The following WNK2 variants were observed in gnomAD, a reference collection of about 807,000 sequenced individuals.
WNK2 encodes the protein serine/threonine-protein kinase WNK2.
Under a neutral mutation model 192.1 loss-of-function variants are expected in WNK2, and 67 were observed. The ratio of observed to expected loss-of-function variants is 0.35; its 90% confidence interval spans 0.29 to 0.43. The LOEUF (loss-of-function observed/expected upper bound fraction) is 0.43, where lower values mean the gene tolerates loss of function less well. WNK2 is among the 20% of genes least tolerant of loss of function. The pLI is 1.00. For missense variants in WNK2, 2,698 were observed against 3,089.7 expected (o/e 0.87, Z 3.01); for synonymous variants, 1,439 against 1,393.9 (o/e 1.03, Z -0.72).
At chr9:93,212,951 C>T (rs557473294) in intron 2 of WNK2, among the ~76,000 whole-genome samples, 4 of 152,236 alleles carry the variant, frequency 2.6e-5, no homozygotes, top group East Asian at 1.9e-4. Context: ...GAATGTGAAA[C>T]GTCATAGGTG....
chr9:93,213,623 C>T (rs1182947856), intron 2 of WNK2, among the ~76,000 whole-genome samples: 3 of 152,052 alleles, frequency 2.0e-5, no homozygotes, highest in Non-Finnish European at 2.9e-5. Context: ...AACCCTGTCT[C>T]GACTAAAAAT....
chr9:93,303,670 G>A lies in WNK2; in HGVS notation c.6215-3107G>A, dbSNP rs371167016. On this transcript the variant is annotated intron_variant, in intron 26 of 29. Coordinates refer to ENST00000427277, the MANE Select transcript of WNK2 (RefSeq NM_006648.4). ...CTGCAGCCAGGGTGGTCAGTGCTGCGTACCACTGTGGGCTGTCTGTGGAGC... is the reference window on the plus strand; with the variant it reads ...CTGCAGCCAGGGTGGTCAGTGCTGCATACCACTGTGGGCTGTCTGTGGAGC... 4.6e-5 allele frequency among the ~76,000 whole-genome samples: 7 copies of A among 152,298 alleles called. No individual in the cohort carries two copies. In the South Asian group the frequency reaches 8.3e-4, roughly 18 times the overall value.
At chr9:93,203,770 G>A (rs897501096) in intron 2 of WNK2, among the ~76,000 whole-genome samples, 2 of 152,182 alleles carry the variant, frequency 1.3e-5, no homozygotes, top group Non-Finnish European at 2.9e-5. Context: ...GACAGGGAAC[G>A]AGGCATCTCG....
intron 23 of WNK2, 52 bp from the exon 24 acceptor site, chr9:93,297,801 G>T: frequency 5.9e-6 from 9 of 1,526,236 alleles, no homozygotes; most frequent in Non-Finnish European, 7.9e-6. Flanking sequence ...AGCTGGCGGT[G>T]TTGGAAACAC....
At chr9:93,225,904 C>CTGTTG (rs1188845032) in intron 2 of WNK2, among the ~76,000 whole-genome samples, 3 of 111,088 alleles carry the variant, frequency 2.7e-5, no homozygotes, top group African/African-American at 7.5e-5. Context: ...GCATGTCTTT[C>CTGTTG]TGTTGTGTTA....
intron 2 of WNK2, among the ~76,000 whole-genome samples, chr9:93,227,829 G>A (rs1436086854): frequency 6.6e-6 from 1 of 152,120 alleles, no homozygotes; most frequent in Non-Finnish European, 1.5e-5. Flanking sequence ...AGTAGAACAT[G>A]TTTCCATTTT....
Position 93,260,099 on chromosome 9 carries a change from G to C in WNK2, c.3066+485G>C, listed in dbSNP as rs532110964. On this transcript the variant is annotated intron_variant, in intron 12 of 29. Coordinates refer to ENST00000427277, the MANE Select transcript of WNK2 (RefSeq NM_006648.4). ...GGCAGATGGCACTGCTGGCTGCAAG[G>C]GTGGTTATGGTGGGACCCGGGGCCA... Among the ~76,000 whole-genome samples the C allele has an allele frequency of 1.1e-3, 163 of 152,336 alleles. 2 individuals carry two copies. The highest frequency in any genetic ancestry group is 3.5e-3 in the South Asian group (17 of 4,826).
chr9:93,256,406 C>G lies in WNK2; in HGVS notation c.2142C>G (p.Ser714Arg). The G allele has an allele frequency of 6.5e-7, 1 of 1,546,350 alleles. No individual in the cohort carries two copies. Residue 714 changes from serine (S) to arginine (R), a missense_variant, in exon 10 of 30, where the codon AGC becomes AGG. Ser to Arg is a moderately radical substitution (Grantham distance 110, BLOSUM62 -1). Coordinates refer to ENST00000427277, the MANE Select transcript of WNK2 (RefSeq NM_006648.4). The part of the protein sequence containing the change: ...MSFAPVLPPP[S>R]TPMPTGPGQP... ...TCGCCCCCGTGCTGCCGCCGCCCAGCACCCCCATGCCCACGGGCCCAGGCC... is the reference window on the plus strand; with the variant it reads ...TCGCCCCCGTGCTGCCGCCGCCCAGGACCCCCATGCCCACGGGCCCAGGCC...
At chr9:93,199,740 T>C (rs530944855) in intron 2 of WNK2, among the ~76,000 whole-genome samples, 17 of 151,246 alleles carry the variant, frequency 1.1e-4, no homozygotes, top group East Asian at 7.8e-4. Flanking sequence ...CTACTAAAAA[T>C]ACAAAAAAAT....
chr9:93,209,311 G>T (rs1469883344), intron 2 of WNK2, among the ~76,000 whole-genome samples: 2 of 152,138 alleles, frequency 1.3e-5, no homozygotes, highest in Non-Finnish European at 2.9e-5. Flanking sequence ...GGACATTCTG[G>T]TCTCTGTGCC....
intron 18 of WNK2, 63 bp from the exon 19 acceptor site, chr9:93,268,564 G>A: frequency 6.4e-7 from 1 of 1,561,018 alleles, no homozygotes; most frequent in Non-Finnish European, 8.7e-7. Context: ...CAGGTGATGG[G>A]GGTCACACTG....
At position 93,210,278 on chromosome 9, in the gene WNK2, A is replaced by T. The variant is rs567185028; in HGVS notation, c.682-19418A>T. Among the ~76,000 whole-genome samples, 135 of 100,592 alleles carry T rather than the reference A, an allele frequency of 1.3e-3. 1 individual carries two copies. Among genetic ancestry groups the T allele is most frequent in the African/African-American group, 4.4e-3 (116 of 26,396 alleles). 66.0% of individuals were successfully genotyped at this position (100,592 alleles called of 152,430 possible). ...GAGGGAGGTGGGGCTATTCGTGCTG[A>T]TGGAGGGGTGAGGGATGGGCAGGGT... On this transcript the variant is annotated intron_variant, in intron 2 of 29. Coordinates refer to ENST00000427277, the MANE Select transcript of WNK2 (RefSeq NM_006648.4).
In WNK2 at chr9:93,239,602, A is replaced by C. The variant is rs905655996; in HGVS notation, c.1323-155A>C. Among the ~76,000 whole-genome samples the C allele has an allele frequency of 1.3e-5, 2 of 152,198 alleles. No homozygotes were observed. The highest frequency in any genetic ancestry group is 4.8e-5 in the African/African-American group (2 of 41,452). On this transcript the variant is annotated intron_variant, in intron 6 of 29. Transcript: ENST00000427277. This position sits in a 1 kb window ranked among gnomAD's most constrained non-coding sequence, Gnocchi z 4.2. ...TTAATAGTAAGACTGGATTCACTGA[A>C]ATCTTTTCTTTACCCCTGGGAGTGC... is the stretch of plus-strand genomic sequence containing the variant.
At chr9:93,232,986 G>T (rs542903827) in intron 4 of WNK2, among the ~76,000 whole-genome samples, 128 of 100,274 alleles carry the variant, frequency 1.3e-3, no homozygotes, top group Non-Finnish European at 2.0e-3. Context: ...AAAAAAAAAA[G>T]GCGGGGGAAG....
At chr9:93,256,726 A>G in intron 10 of WNK2, 1 of 666,996 alleles carries the variant, frequency 1.5e-6, no homozygotes, top group Non-Finnish European at 2.5e-6. Flanking sequence ...TTTCTGCAAG[A>G]TCTGCTGTGC....
chr9:93,311,726 A>G (rs987901898), intron 28 of WNK2, among the ~76,000 whole-genome samples: 1 of 151,890 alleles, frequency 6.6e-6, no homozygotes, highest in African/African-American at 2.4e-5. Flanking sequence ...TCTAGGTTCA[A>G]GCAATTCTCC....
At chr9:93,188,117 C>G (rs564937850) in intron 2 of WNK2, among the ~76,000 whole-genome samples, 24 of 152,228 alleles carry the variant, frequency 1.6e-4, no homozygotes, top group African/African-American at 5.5e-4. Context: ...GGGGATGTTG[C>G]CTTCAGCCAG....
intron 19 of WNK2, among the ~76,000 whole-genome samples, chr9:93,274,221 A>G (rs1238714802): frequency 6.6e-6 from 1 of 152,342 alleles, no homozygotes; most frequent in Non-Finnish European, 1.5e-5. Flanking sequence ...CAAAATACCA[A>G]TACTAAAGAA....
intron 19 of WNK2, among the ~76,000 whole-genome samples, chr9:93,282,537 ACACTAATACT>A (rs1448989916): frequency 1.3e-5 from 2 of 152,122 alleles, no homozygotes; most frequent in African/African-American, 2.4e-5. Flanking sequence ...GAAAAAGAGC[ACACTAATACT>A]CACCTAGAGG....
Sources: allele counts gnomAD v4.1 joint callset (sites outside exome capture counted in the v4.1 genomes callset), GRCh38; gene constraint gnomAD v4.1.1; non-coding constraint Gnocchi (gnomAD v3.1); transcripts MANE v1.5; gene names NCBI Gene and HGNC (gene_info 2026-07-23, HGNC 2026-07-21).